The following FER variants were observed in gnomAD, a reference collection of about 807,000 sequenced individuals.
The protein encoded by FER is FER tyrosine kinase, also known as tyrosine-protein kinase Fer.
A neutral mutation model predicts 111.0 loss-of-function variants in FER; 63 were observed. The ratio of observed to expected loss-of-function variants is 0.57; its 90% CI spans 0.46 to 0.70. The LOEUF is 0.70. FER is among the 30% of genes least tolerant of loss of function. FER has a pLI of 0.00. For missense variants in FER, 914 were observed against 954.0 expected (o/e 0.96, Z 0.55); for synonymous variants, 327 against 313.9 (o/e 1.04, Z -0.44).
rs570816026 is a variant in FER, at chr5:109,034,457, G to T, written c.1657-2965G>T. ...ATTAAAAGCCTGGGGTATTTTATCAGAGCCTCTTCTGCTTGCAGGCCCTGA... is the reference window on the plus strand; with the variant it reads ...ATTAAAAGCCTGGGGTATTTTATCATAGCCTCTTCTGCTTGCAGGCCCTGA... On this transcript the variant is annotated intron_variant, in intron 13 of 19. Coordinates refer to ENST00000281092, the MANE Select transcript of FER (RefSeq NM_005246.4). Among the ~76,000 whole-genome samples, 4 of 151,956 alleles carry T rather than the reference G, an allele frequency of 2.6e-5. No homozygotes were observed. The East Asian group carries it at 7.8e-4, about 29-fold the overall frequency.
At chr5:109,015,598 G>C (rs1467882968) in intron 13 of FER, among the ~76,000 whole-genome samples, 1 of 151,930 alleles carries the variant, frequency 6.6e-6, no homozygotes, top group Non-Finnish European at 1.5e-5. Flanking sequence ...AATCCAAGCT[G>C]ACAGGTGACA....
intron 17 of FER, among the ~76,000 whole-genome samples, chr5:109,164,570 T>A (rs550285829): frequency 7.9e-5 from 12 of 152,272 alleles, no homozygotes; most frequent in African/African-American, 2.9e-4. Flanking sequence ...CTCTTAACTA[T>A]GTGTCTTGAT....
intron 16 of FER, among the ~76,000 whole-genome samples, chr5:109,089,660 A>G (rs1380434448): frequency 6.6e-6 from 1 of 152,236 alleles, no homozygotes; most frequent in Admixed American, 6.5e-5. Flanking sequence ...AAAGCCAAGA[A>G]TAGCCATCTT....
chr5:108,893,971 T>G (rs1182512291), intron 9 of FER, among the ~76,000 whole-genome samples: 3 of 150,976 alleles, frequency 2.0e-5, no homozygotes, highest in African/African-American at 4.9e-5. Flanking sequence ...GAAAGAGGTT[T>G]TTTTTTTTTT....
chr5:109,098,343 T>A (rs1197750128), intron 16 of FER, among the ~76,000 whole-genome samples: 1 of 151,726 alleles, frequency 6.6e-6, no homozygotes, highest in East Asian at 1.9e-4. Flanking sequence ...AAGAAGTAAA[T>A]TTTTAAAAGG....
At chr5:109,003,480 C>T (rs967766290) in intron 13 of FER, among the ~76,000 whole-genome samples, 13 of 151,922 alleles carry the variant, frequency 8.6e-5, no homozygotes, top group South Asian at 6.2e-4. Flanking sequence ...TTGGGAGGAG[C>T]GGGGAGGGAT....
At chr5:109,063,619 G>A (rs187359112) in intron 16 of FER, among the ~76,000 whole-genome samples, 45 of 152,240 alleles carry the variant, frequency 3.0e-4, no homozygotes, top group African/African-American at 8.4e-4. Context: ...TTTTGAGGCC[G>A]ATTAAAAGAA....
rs552711069 is a variant in FER, at chr5:109,059,836, A to G, written c.1924+12638A>G. On this transcript the variant is annotated intron_variant, in intron 16 of 19. Transcript: ENST00000281092. ...AAGAATTCCACTACTAGGCATCTAC[A>G]TAAGAGAAATAAAAACCTCTGTCCG... Among the ~76,000 whole-genome samples, 5 of 152,326 alleles carry G rather than the reference A, an allele frequency of 3.3e-5. No individual in the cohort carries two copies. The South Asian group carries it at 8.3e-4, about 25-fold the overall frequency.
At chr5:108,879,909 C>T (rs547355649) in intron 8 of FER, among the ~76,000 whole-genome samples, 9 of 151,596 alleles carry the variant, frequency 5.9e-5, no homozygotes, top group Non-Finnish European at 8.8e-5. Context: ...GAGGTTTCAC[C>T]ATGTTGGCCA....
Position 108,754,305 on chromosome 5 carries a change from G to A in FER, c.-206+6305G>A, listed in dbSNP as rs376238714. On this transcript the variant is annotated intron_variant, in intron 1 of 19. Coordinates refer to ENST00000281092, the MANE Select transcript of FER (RefSeq NM_005246.4). The stretch of plus-strand genomic sequence containing the variant: ...ATGTGCTTGTACTACTACTAAGGTG[G>A]CTAAGGCAGGAGGATTCCTTGAGCC... 3.3e-3 allele frequency among the ~76,000 whole-genome samples: 497 copies of A among 151,410 alleles called. 1 individual carries two copies. The highest frequency in any genetic ancestry group is 0.012 in the African/African-American group (480 of 41,222).
intron 16 of FER, among the ~76,000 whole-genome samples, chr5:109,055,628 T>G (rs1455618367): frequency 2.0e-5 from 3 of 151,644 alleles, no homozygotes; most frequent in African/African-American, 7.3e-5. Flanking sequence ...CTATGACTTT[T>G]TTTTTTAAAT....
intron 3 of FER, among the ~76,000 whole-genome samples, chr5:108,810,659 G>A (rs1459741346): frequency 6.6e-6 from 1 of 152,222 alleles, no homozygotes; most frequent in Non-Finnish European, 1.5e-5. Context: ...CACAGGAATG[G>A]TGGGGCAGGT....
At chr5:109,054,198 A>T (rs1038766828) in intron 16 of FER, among the ~76,000 whole-genome samples, 5 of 152,208 alleles carry the variant, frequency 3.3e-5, no homozygotes, top group Non-Finnish European at 7.3e-5. Flanking sequence ...TAAATTTTTT[A>T]AGAAACTACC....
intron 1 of FER, among the ~76,000 whole-genome samples, chr5:108,759,574 A>G (rs1323987944): frequency 6.6e-6 from 1 of 152,210 alleles, no homozygotes; most frequent in African/African-American, 2.4e-5. Context: ...AAAATAATAG[A>G]AATTTATTCT....
At chr5:109,113,884 C>T (rs1189371817) in intron 17 of FER, among the ~76,000 whole-genome samples, 2 of 152,018 alleles carry the variant, frequency 1.3e-5, no homozygotes, top group African/African-American at 4.8e-5. Context: ...AAAACATTAT[C>T]TAATGTTAAA....
chr5:108,993,617 A>AGGGCAAGGGCG (rs1561737107), intron 13 of FER, among the ~76,000 whole-genome samples: 7 of 104,936 alleles, frequency 6.7e-5, no homozygotes, highest in African/African-American at 2.6e-4. Context: ...GGGAGAGGGC[A>AGGGCAAGGGCG]AGGGCGAGGG....
intron 3 of FER, among the ~76,000 whole-genome samples, chr5:108,823,325 A>G (rs1409312021): frequency 6.6e-6 from 1 of 152,230 alleles, no homozygotes; most frequent in East Asian, 1.9e-4. Flanking sequence ...AGATCATATA[A>G]CAGTTCTATT....
At chr5:108,973,920 CAAT>C (rs1477268931) in intron 13 of FER, among the ~76,000 whole-genome samples, 5 of 152,074 alleles carry the variant, frequency 3.3e-5, no homozygotes, top group African/African-American at 4.8e-5. Flanking sequence ...ATGAGATAGT[CAAT>C]AAAGTTTTCT....
intron 16 of FER, 124 bp from the exon 17 acceptor site, chr5:109,100,272 C>G: frequency 8.4e-7 from 1 of 1,184,946 alleles, no homozygotes; most frequent in Non-Finnish European, 1.2e-6. Flanking sequence ...ACAAATTGGG[C>G]AAAAAGCATG....
Sources: gnomAD v4.1 joint callset for allele counts (sites outside exome capture counted in the v4.1 genomes callset) on GRCh38, gnomAD v4.1.1 for gene constraint, MANE v1.5 for transcripts, NCBI Gene and HGNC (gene_info 2026-07-23, HGNC 2026-07-21) for gene names.